The following FDFT1 variants were observed in gnomAD, a reference collection of about 807,000 sequenced individuals.
FDFT1 encodes squalene synthase.
FDFT1 carries 68 observed loss-of-function variants against 46.8 expected under a neutral mutation model. That is an observed-to-expected ratio of 1.45 (90% CI 1.19 to 1.78). FDFT1 has a LOEUF of 1.78. Among genes scored for constraint, FDFT1 ranks in the 40% most tolerant of loss-of-function variants. The probability of loss-of-function intolerance (pLI) is 0.00; values close to 1 mark genes in which losing one functional copy is unlikely to be tolerated. For synonymous variants in FDFT1, 351 were observed against 185.1 expected, an observed-to-expected ratio of 1.90 and a Z score of -7.28; for missense variants, 928 against 524.4, an observed-to-expected ratio of 1.77 and a Z score of -7.52.
intron 7 of FDFT1, among the ~76,000 whole-genome samples, chr8:11,837,357 G>A (rs764308468): frequency 2.6e-5 from 4 of 152,202 alleles, no homozygotes; most frequent in African/African-American, 7.2e-5. Context: ...CAGTCCCCAA[G>A]TAGCTGGGGG....
intron 3 of FDFT1, among the ~76,000 whole-genome samples, chr8:11,820,548 G>A (rs923287339): frequency 1.3e-5 from 2 of 152,208 alleles, no homozygotes. Flanking sequence ...TGTGAGCATA[G>A]AAGTGCGTAC....
chr8:11,799,233 C>T (rs1342731767), upstream of FDFT1, among the ~76,000 whole-genome samples: 2 of 152,192 alleles, frequency 1.3e-5, no homozygotes, highest in Non-Finnish European at 1.5e-5. Flanking sequence ...CCACGGTCGG[C>T]GGTCTTATCA....
At chr8:11,797,544 A>G (rs889182684), upstream of FDFT1, among the ~76,000 whole-genome samples, 2 of 117,234 alleles carry the variant, frequency 1.7e-5, no homozygotes, top group Non-Finnish European at 3.6e-5. Flanking sequence ...AGATAATCAC[A>G]GCTACTAGGG....
At chr8:11,820,094 A>G (rs1432791817) in intron 3 of FDFT1, among the ~76,000 whole-genome samples, 4 of 152,152 alleles carry the variant, frequency 2.6e-5, no homozygotes, top group African/African-American at 9.7e-5. Flanking sequence ...CTTCTAACAG[A>G]GGCCCGTCAG....
chr8:11,818,993 G>C (rs1475915705), intron 3 of FDFT1, among the ~76,000 whole-genome samples: 3 of 152,224 alleles, frequency 2.0e-5, no homozygotes, highest in African/African-American at 4.8e-5. Context: ...GCTGGTACCA[G>C]TTGTTCCTTT....
chr8:11,805,549 T>C (rs1390223633), intron 1 of FDFT1, among the ~76,000 whole-genome samples: 1 of 152,236 alleles, frequency 6.6e-6, no homozygotes, highest in Non-Finnish European at 1.5e-5. Context: ...ACAACCTTGG[T>C]AACTTAACCT....
rs73663013 is a variant in FDFT1 at position 11,821,955 on chromosome 8, G to A, written c.510+77G>A. ...GTCCTCATAGTGAAGCTCAGAACAA[G>A]AAAAGTTGTCCAGTATTTTCAGCCC... On this transcript the variant is annotated intron_variant, in intron 4 of 7. Transcript: ENST00000220584. The A allele has an allele frequency of 2.3e-3, 3,593 of 1,546,116 alleles. 71 individuals are homozygous for A. The African/African-American group carries it at 0.044, about 19-fold the overall frequency.
At chr8:11,828,100 G>A (rs981821399) in intron 5 of FDFT1, among the ~76,000 whole-genome samples, 1 of 151,954 alleles carries the variant, frequency 6.6e-6, no homozygotes. Flanking sequence ...TACTTGGGAG[G>A]CTGATGTGAG....
intron 1 of FDFT1, among the ~76,000 whole-genome samples, chr8:11,807,135 T>C (rs1480962722): frequency 6.6e-6 from 1 of 152,160 alleles, no homozygotes; most frequent in South Asian, 2.1e-4. Context: ...CATATTTTTT[T>C]AACCACTCCT....
chr8:11,814,300 GT>G (rs368859890), intron 3 of FDFT1, among the ~76,000 whole-genome samples: 1,944 of 137,922 alleles, frequency 0.014, 12 homozygotes, highest in African/African-American at 0.021. Flanking sequence ...GATTTTATAG[GT>G]TTTTTTTTTT....
At chr8:11,818,101 C>G (rs923363581) in intron 3 of FDFT1, among the ~76,000 whole-genome samples, 1 of 152,168 alleles carries the variant, frequency 6.6e-6, no homozygotes, top group Non-Finnish European at 1.5e-5. Context: ...TTTATTTCTG[C>G]TTTCATTTCG....
chr8:11,800,538 G>A (rs940372466), upstream of FDFT1, among the ~76,000 whole-genome samples: 65 of 152,272 alleles, frequency 4.3e-4, 1 homozygote, highest in African/African-American at 1.5e-3. Flanking sequence ...GGAGAACAAA[G>A]GAAGGAGGAA....
rs1364499417 is a variant in FDFT1 at position 11,808,808 on chromosome 8, C to T, written c.114C>T (p.Ser38=). The change falls in exon 2 of 8, where the codon AGC becomes AGT. Residue 38 remains serine, a synonymous_variant. Transcript: ENST00000220584. ...MPKMDQDSLS[S]SLKTCYKYLN... is the part of the protein sequence containing the mutation. ...TCTGCCCGCAGGACTCGCTCAGCAG[C>T]AGCCTGAAAACTTGCTACAAGTATC... is the stretch of plus-strand genomic sequence containing the variant. The T allele has an allele frequency of 1.9e-6, 3 of 1,614,010 alleles. No homozygotes were observed. Among genetic ancestry groups the T allele is most frequent in the African/African-American group, 1.3e-5 (1 of 75,072 alleles).
chr8:11,803,446 A>G, intron 1 of FDFT1: 1 of 1,283,564 alleles, frequency 7.8e-7, no homozygotes, highest in Non-Finnish European at 1.0e-6. Context: ...TGAGTTTTAA[A>G]ATCGCCTATC....
chr8:11,801,789 G>C (rs1309957736), upstream of FDFT1: 2 of 365,612 alleles, frequency 5.5e-6, no homozygotes, highest in Non-Finnish European at 1.1e-5. Context: ...CGCTTCCCGG[G>C]TTCAAGTGAT....
intron 6 of FDFT1, 99 bp downstream of exon 6, chr8:11,830,519 T>C (rs1366800515): frequency 1.2e-6 from 1 of 846,328 alleles, no homozygotes; most frequent in Non-Finnish European, 1.9e-6. Context: ...TATGATTCCT[T>C]AAAAAGACGA....
chr8:11,802,959 G>C, intron 1 of FDFT1, 28 bp downstream of exon 1: 2 of 1,574,610 alleles, frequency 1.3e-6, no homozygotes, highest in Non-Finnish European at 1.7e-6. Flanking sequence ...GCTTGCCCGG[G>C]GCGGGGAAGG....
intron 5 of FDFT1, among the ~76,000 whole-genome samples, chr8:11,829,833 T>G (rs1413009050): frequency 7.0e-6 from 1 of 142,416 alleles, no homozygotes; most frequent in Non-Finnish European, 1.5e-5. Context: ...TATATCATAG[T>G]GTTTTTTTTT....
At chr8:11,826,835 GTTC>G (rs1181755052) in intron 5 of FDFT1, among the ~76,000 whole-genome samples, 6 of 152,080 alleles carry the variant, frequency 3.9e-5, no homozygotes, top group Non-Finnish European at 8.8e-5. Flanking sequence ...GAAGGGCTTG[GTTC>G]TTCTGCTCAG....
Sources: gnomAD v4.1 joint callset for allele counts (sites outside exome capture counted in the v4.1 genomes callset) on GRCh38, gnomAD v4.1.1 for gene constraint, MANE v1.5 for transcripts, NCBI Gene and HGNC (gene_info 2026-07-23, HGNC 2026-07-21) for gene names.